Variants in NPAS3 observed in about 807,000 individuals in gnomAD.
The protein encoded by NPAS3 is neuronal PAS domain protein 3.
Under a neutral mutation model 73.1 loss-of-function variants are expected in NPAS3, and 14 were observed. The ratio of observed to expected loss-of-function variants is 0.19; its 90% CI spans 0.13 to 0.30. NPAS3 has a LOEUF of 0.30. Ranked by LOEUF, NPAS3 falls within the 10% of genes least tolerant of loss-of-function variation. The probability of loss-of-function intolerance (pLI) is 1.00; values close to 1 mark genes in which losing one functional copy is unlikely to be tolerated. For missense variants in NPAS3, 1,096 were observed against 1,250.0 expected (o/e 0.88, Z 1.86); for synonymous variants, 620 against 541.5 (o/e 1.14, Z -2.01).
chr14:33,591,170 G>T (rs982889065), intron 5 of NPAS3, among the ~76,000 whole-genome samples: 6 of 152,140 alleles, frequency 3.9e-5, no homozygotes, highest in African/African-American at 1.4e-4. Flanking sequence ...TTGTTTTAAT[G>T]ACAACTTATC....
chr14:33,403,042 A>G (rs920675332), intron 4 of NPAS3, among the ~76,000 whole-genome samples: 1 of 152,120 alleles, frequency 6.6e-6, no homozygotes, highest in Non-Finnish European at 1.5e-5. Flanking sequence ...GGGCTTAAAA[A>G]TTTCTAAATC....
chr14:33,147,730 A>AAAAAAATATATATATAT (rs372663411), intron 2 of NPAS3, among the ~76,000 whole-genome samples: 5 of 130,388 alleles, frequency 3.8e-5, no homozygotes, highest in African/African-American at 1.6e-4. Flanking sequence ...TAGAATAAAA[A>AAAAAAATATATATATAT]ATATATATAT....
At chr14:33,531,148 C>G (rs1239291018) in intron 4 of NPAS3, among the ~76,000 whole-genome samples, 1 of 152,024 alleles carries the variant, frequency 6.6e-6, no homozygotes, top group Admixed American at 6.6e-5. Flanking sequence ...ATATAGGTAC[C>G]AGAACTCATA....
At chr14:33,711,030 G>T (rs1026600748) in intron 6 of NPAS3, among the ~76,000 whole-genome samples, 1 of 152,142 alleles carries the variant, frequency 6.6e-6, no homozygotes, top group Non-Finnish European at 1.5e-5. Context: ...GGGAGCAAGC[G>T]CAGGTTTCCA....
intron 6 of NPAS3, among the ~76,000 whole-genome samples, chr14:33,706,705 A>T (rs2060665181): frequency 6.6e-6 from 1 of 152,132 alleles, no homozygotes; most frequent in Admixed American, 6.5e-5. Context: ...TCCTCCCAAT[A>T]ATCCTAGGAG....
At chr14:33,190,458 T>C (rs2046129819) in intron 2 of NPAS3, among the ~76,000 whole-genome samples, 1 of 152,246 alleles carries the variant, frequency 6.6e-6, no homozygotes, top group African/African-American at 2.4e-5. Flanking sequence ...GCCTTTATAT[T>C]TCTCTGTCTT....
At chr14:33,034,031 GATAA>G (rs1482865651) in intron 1 of NPAS3, among the ~76,000 whole-genome samples, 2 of 152,086 alleles carry the variant, frequency 1.3e-5, no homozygotes, top group East Asian at 1.9e-4. Context: ...TAATTCTGAG[GATAA>G]ATAAATGTAA....
At chr14:33,555,114 C>T (rs1283024584) in intron 4 of NPAS3, among the ~76,000 whole-genome samples, 6 of 152,090 alleles carry the variant, frequency 3.9e-5, no homozygotes, top group Non-Finnish European at 5.9e-5. Flanking sequence ...AGGAAATCTC[C>T]GATCAGCCCT....
chr14:33,531,552 T>G (rs1439107148), intron 4 of NPAS3, among the ~76,000 whole-genome samples: 1 of 152,144 alleles, frequency 6.6e-6, no homozygotes, highest in Non-Finnish European at 1.5e-5. Context: ...TATGTACAGC[T>G]GTACCACAGT....
At chr14:32,946,611 A>G (rs2036273515) in intron 1 of NPAS3, among the ~76,000 whole-genome samples, 1 of 152,200 alleles carries the variant, frequency 6.6e-6, no homozygotes, top group African/African-American at 2.4e-5. Flanking sequence ...ATTGTCAACT[A>G]AATAGCTTCT....
chr14:33,731,372 T>C (rs2061394180), intron 6 of NPAS3, among the ~76,000 whole-genome samples: 1 of 141,446 alleles, frequency 7.1e-6, no homozygotes, highest in Non-Finnish European at 1.5e-5. Flanking sequence ...TAAGTTATAA[T>C]CACGCCACTG....
intron 1 of NPAS3, among the ~76,000 whole-genome samples, chr14:32,962,569 C>CTTTTTTTTTTTTTTTTTTTTT (rs71432096): frequency 1.2e-4 from 13 of 110,610 alleles, no homozygotes; most frequent in East Asian, 2.3e-4. Context: ...TTTTTCTTTT[C>CTTTTTTTTTTTTTTTTTTTTT]TTTTTTTTTT....
intron 4 of NPAS3, among the ~76,000 whole-genome samples, chr14:33,410,617 C>A (rs980835879): frequency 2.6e-5 from 4 of 152,160 alleles, no homozygotes; most frequent in Non-Finnish European, 1.5e-5. Context: ...AAATGTGTCC[C>A]AAGCTACATT....
At chr14:33,397,356 T>C (rs2047268441) in intron 4 of NPAS3, among the ~76,000 whole-genome samples, 1 of 152,128 alleles carries the variant, frequency 6.6e-6, no homozygotes, top group Non-Finnish European at 1.5e-5. Context: ...TTGATAATTA[T>C]TATTTCTGTT....
rs577746772 is a variant in NPAS3, at chr14:33,179,841, A to G, written c.141-35341A>G. 5.3e-5 allele frequency among the ~76,000 whole-genome samples: 8 copies of G among 152,364 alleles called. No individual in the cohort carries two copies. In the South Asian group the frequency reaches 1.7e-3, roughly 32 times the overall value. ...AAAATCTTTTAAATTCTAAATGCAC[A>G]TGAATCAGTCTTTGTCATTTCTAAA... On this transcript the variant is annotated intron_variant, in intron 2 of 11. Transcript: ENST00000356141.
rs80256306 is a variant in NPAS3 at position 33,216,293 on chromosome 14, G to A, written c.385+867G>A. On this transcript the variant is annotated intron_variant, in intron 3 of 11. Transcript: ENST00000356141. ...GGTGCAGGCAACTTCCTCTAGGGAA[G>A]AATTAGCTTCTTTTGTTACATCTTG... 9.5e-3 allele frequency among the ~76,000 whole-genome samples: 1,442 copies of A among 152,256 alleles called. 20 individuals are homozygous for A. The highest frequency in any genetic ancestry group is 0.033 in the African/African-American group (1,359 of 41,544).
At chr14:33,301,386 G>T (rs1306330833) in intron 3 of NPAS3, among the ~76,000 whole-genome samples, 5 of 145,690 alleles carry the variant, frequency 3.4e-5, no homozygotes, top group African/African-American at 1.3e-4. Flanking sequence ...GCTGGAGCAG[G>T]GGCCTCCAAG....
At chr14:33,754,340 G>A (rs1031946976) in intron 7 of NPAS3, among the ~76,000 whole-genome samples, 18 of 152,148 alleles carry the variant, frequency 1.2e-4, no homozygotes, top group African/African-American at 4.3e-4. Context: ...TTGGCCAAGA[G>A]GAGGGAGGAG....
At chr14:33,269,973 C>A (rs182381725) in intron 3 of NPAS3, among the ~76,000 whole-genome samples, 3 of 151,970 alleles carry the variant, frequency 2.0e-5, no homozygotes, top group African/African-American at 7.3e-5. Context: ...GATTCTTGGG[C>A]GGGTGCAGTA....
Sources: allele counts gnomAD v4.1 joint callset (sites outside exome capture counted in the v4.1 genomes callset), GRCh38; gene constraint gnomAD v4.1.1; transcripts MANE v1.5; gene names NCBI Gene and HGNC (gene_info 2026-07-23, HGNC 2026-07-21).